GPC6: variants seen among roughly 807,000 people sequenced by gnomAD.
GPC6 encodes glypican 6.
In GPC6, 14 loss-of-function variants were observed where a neutral mutation model predicts 55.2. The observed-to-expected ratio is 0.25, with a 90% CI of 0.17 to 0.40. GPC6 has a LOEUF of 0.40. GPC6 is among the 10% of genes least tolerant of loss of function. The probability of loss-of-function intolerance (pLI) is 1.00; values close to 1 mark genes in which losing one functional copy is unlikely to be tolerated. For missense variants in GPC6, 641 were observed against 708.5 expected, an observed-to-expected ratio of 0.90 and a Z score of 1.08; for synonymous variants, 278 against 259.6, an observed-to-expected ratio of 1.07 and a Z score of -0.68.
intron 2 of GPC6, among the ~76,000 whole-genome samples, chr13:93,624,522 G>C (rs1181822455): frequency 6.6e-6 from 1 of 152,094 alleles, no homozygotes; most frequent in Non-Finnish European, 1.5e-5. Flanking sequence ...TAAGAAAGAA[G>C]GATAAAAACC....
chr13:94,041,935 C>T (rs139775319), intron 4 of GPC6, among the ~76,000 whole-genome samples: 52 of 151,974 alleles, frequency 3.4e-4, no homozygotes, highest in African/African-American at 9.2e-4. Flanking sequence ...AACATACATA[C>T]GTAACCATAT....
chr13:94,288,197 A>G (rs1892582927), intron 5 of GPC6, among the ~76,000 whole-genome samples: 1 of 152,146 alleles, frequency 6.6e-6, no homozygotes, highest in South Asian at 2.1e-4. Context: ...ACCAGACAAT[A>G]ATAAGTAATA....
chr13:94,082,571 T>C (rs1384715925), intron 4 of GPC6, among the ~76,000 whole-genome samples: 1 of 152,134 alleles, frequency 6.6e-6, no homozygotes, highest in East Asian at 1.9e-4. Context: ...GTTAGAGAAT[T>C]CAAAGACATA....
chr13:93,557,559 A>T lies in GPC6; in HGVS notation c.319+12138A>T, dbSNP rs192123818. Among the ~76,000 whole-genome samples the T allele has an allele frequency of 1.8e-3, 267 of 152,298 alleles. 2 individuals carry two copies. Among genetic ancestry groups the T allele is most frequent in the Non-Finnish European group, 3.5e-4 (24 of 68,024 alleles). ...GTTTACTGACTTTGTTCCCTTGATC[A>T]TTAGACCAGCCAGGCTTGTTCTCAT... On this transcript the variant is annotated intron_variant, in intron 2 of 8. Transcript: ENST00000377047.
intron 1 of GPC6, among the ~76,000 whole-genome samples, chr13:93,485,270 A>T (rs1266283877): frequency 6.6e-6 from 1 of 152,216 alleles, no homozygotes; most frequent in Non-Finnish European, 1.5e-5. Context: ...AAAAAAGCTT[A>T]TGTGGGACAG....
chr13:94,117,415 C>G (rs1886471783), intron 4 of GPC6, among the ~76,000 whole-genome samples: 1 of 152,050 alleles, frequency 6.6e-6, no homozygotes, highest in Non-Finnish European at 1.5e-5. Context: ...TTTATTATTC[C>G]TGAAGAAGAA....
At chr13:94,093,693 G>A (rs1463470809) in intron 4 of GPC6, among the ~76,000 whole-genome samples, 1 of 152,088 alleles carries the variant, frequency 6.6e-6, no homozygotes, top group Non-Finnish European at 1.5e-5. Flanking sequence ...ACTTTGGGTA[G>A]TAGGGACATT....
At chr13:94,247,430 C>G (rs1404101900) in intron 4 of GPC6, among the ~76,000 whole-genome samples, 1 of 152,068 alleles carries the variant, frequency 6.6e-6, no homozygotes, top group Non-Finnish European at 1.5e-5. Flanking sequence ...TGTACCTGCT[C>G]TTAGAGGAAA....
At chr13:94,211,569 A>G (rs1254744023) in intron 4 of GPC6, among the ~76,000 whole-genome samples, 3 of 152,238 alleles carry the variant, frequency 2.0e-5, no homozygotes, top group Admixed American at 2.0e-4. Context: ...TAAGTTAGCT[A>G]GAAAAAAACT....
At chr13:93,676,132 T>A (rs1168290378) in intron 2 of GPC6, among the ~76,000 whole-genome samples, 643 of 6,214 alleles carry the variant, frequency 0.1, 10 homozygotes, top group Non-Finnish European at 0.18. Context: ...AAAAAATATA[T>A]ATATATATAT....
chr13:94,033,686 C>T (rs1392024771), intron 4 of GPC6, among the ~76,000 whole-genome samples: 2 of 152,116 alleles, frequency 1.3e-5, no homozygotes, highest in East Asian at 3.9e-4. Context: ...CTTTTAGTTA[C>T]AAATAATTCC....
At chr13:94,141,794 T>C (rs145847467) in intron 4 of GPC6, among the ~76,000 whole-genome samples, 1 of 152,360 alleles carries the variant, frequency 6.6e-6, no homozygotes, top group East Asian at 1.9e-4. Flanking sequence ...ATTGAGAATA[T>C]GCACTGAATA....
chr13:93,463,298 T>G (rs201101881), intron 1 of GPC6, among the ~76,000 whole-genome samples: 1 of 152,276 alleles, frequency 6.6e-6, no homozygotes, highest in Middle Eastern at 3.4e-3. Flanking sequence ...AAGAAAGAAA[T>G]AACATCTAAA....
chr13:93,527,390 T>C (rs1318340963), intron 1 of GPC6, among the ~76,000 whole-genome samples: 1 of 152,108 alleles, frequency 6.6e-6, no homozygotes, highest in Non-Finnish European at 1.5e-5. Flanking sequence ...TTTCACTACT[T>C]TTTTAGAGAT....
At chr13:94,194,380 T>G (rs1433095321) in intron 4 of GPC6, among the ~76,000 whole-genome samples, 1 of 152,150 alleles carries the variant, frequency 6.6e-6, no homozygotes, top group Non-Finnish European at 1.5e-5. Flanking sequence ...GCAACTCCAA[T>G]GTATGCATAT....
chr13:94,011,683 C>A (rs1304972256), intron 3 of GPC6, among the ~76,000 whole-genome samples: 2 of 152,138 alleles, frequency 1.3e-5, no homozygotes, highest in Non-Finnish European at 2.9e-5. Flanking sequence ...GTTTCTTTTC[C>A]TGTTCTCCTG....
chr13:93,227,345 C>A lies in GPC6; in HGVS notation c.-112C>A, dbSNP rs1875825515. 9.4e-7 allele frequency: 1 copy of A among 1,064,234 alleles called. No individual in the cohort carries two copies. The allele number at this position is 1,064,234 out of a possible 1,614,324, so 65.9% of individuals were successfully genotyped here. On this transcript the variant is annotated 5_prime_UTR_variant, in exon 1 of 9. The change creates a new upstream start codon in the 5' untranslated region. Transcript: ENST00000377047. This position sits in a 1 kb window ranked among gnomAD's most constrained non-coding sequence, Gnocchi z 4.3. ...CCTCGGCTGGCAGAAGGGGGTGACG[C>A]TGGGCAGCGGCGAGGAGCGCGCCGC... is the stretch of plus-strand genomic sequence containing the variant.
chr13:93,429,238 A>C (rs1443269076), intron 1 of GPC6, among the ~76,000 whole-genome samples: 2 of 151,882 alleles, frequency 1.3e-5, no homozygotes, highest in Non-Finnish European at 2.9e-5. Flanking sequence ...ATATTCTCTA[A>C]ACTTTCTGAA....
Position 93,364,017 on chromosome 13 carries a change from T to C in GPC6, c.160+136401T>C, listed in dbSNP as rs965022949. On this transcript the variant is annotated intron_variant, in intron 1 of 8. Coordinates refer to ENST00000377047, the MANE Select transcript of GPC6 (RefSeq NM_005708.5). ...TTCTTGTAAATTTGTTTGAGTTCAT[T>C]GTAGATTCTGGATATTAGCCCTTTG... is the stretch of plus-strand genomic sequence containing the variant. Among the ~76,000 whole-genome samples the C allele has an allele frequency of 6.9e-4, 105 of 152,154 alleles. 3 individuals carry two copies. Among genetic ancestry groups the C allele is most frequent in the Admixed American group, 3.9e-4 (6 of 15,268 alleles).
Sources: gnomAD v4.1 joint callset for allele counts (sites outside exome capture counted in the v4.1 genomes callset) on GRCh38, gnomAD v4.1.1 for gene constraint, Gnocchi (gnomAD v3.1) non-coding constraint, MANE v1.5 for transcripts, NCBI Gene and HGNC (gene_info 2026-07-23, HGNC 2026-07-21) for gene names.